NR2C2: variants seen among roughly 807,000 people sequenced by gnomAD.
NR2C2 encodes Nuclear hormone receptor TR4.
NR2C2 carries 6 observed loss-of-function variants against 62.9 expected under a neutral mutation model. The observed-to-expected ratio is 0.10, with a 90% CI of 0.05 to 0.19. The LOEUF is 0.19. Among genes scored for constraint, NR2C2 ranks in the 10% least tolerant of loss-of-function variants. NR2C2 has a pLI of 1.00. For missense variants in NR2C2, 479 were observed against 762.7 expected (o/e 0.63, Z 4.38); for synonymous variants, 272 against 273.8 (o/e 0.99, Z 0.07).
chr3:15,044,759 A>G lies in NR2C2; in HGVS notation c.*1751A>G, dbSNP rs2042392212. On this transcript the variant is annotated 3_prime_UTR_variant, in exon 14 of 14. Transcript: ENST00000425241. ...CCACAGGGGTGCAGTCTGGCCAGCTACAGACGCCCCTGTGGTGCCACATTG... is the reference window on the plus strand; with the variant it reads ...CCACAGGGGTGCAGTCTGGCCAGCTGCAGACGCCCCTGTGGTGCCACATTG... The G allele has an allele frequency of 6.6e-6, 1 of 152,260 alleles. No homozygotes were observed. The highest frequency in any genetic ancestry group is 1.5e-5 in the Non-Finnish European group (1 of 68,074). 9.4% of individuals were successfully genotyped at this position (152,260 alleles called of 1,614,324 possible).
intron 1 of NR2C2, among the ~76,000 whole-genome samples, chr3:14,956,967 A>G (rs2039544754): frequency 6.6e-6 from 1 of 152,208 alleles, no homozygotes. Flanking sequence ...TTTCTTTGAG[A>G]AAGCAAAAGT....
At chr3:15,008,963 A>G (rs56747899) in intron 2 of NR2C2, among the ~76,000 whole-genome samples, 17,024 of 152,202 alleles carry the variant, frequency 0.11, 1,215 homozygotes, top group Admixed American at 0.16. Context: ...GCTAGTGCCT[A>G]TAATCCCAGC....
intron 8 of NR2C2, 35 bp downstream of exon 8, chr3:15,028,754 G>A (rs761961721): frequency 6.9e-6 from 11 of 1,602,098 alleles, no homozygotes; most frequent in Middle Eastern, 1.7e-4. Flanking sequence ...TCCCCTCCTC[G>A]CCTGGACACC....
intron 1 of NR2C2, among the ~76,000 whole-genome samples, chr3:14,975,151 T>C (rs763469111): frequency 1.3e-5 from 2 of 152,240 alleles, no homozygotes; most frequent in Non-Finnish European, 2.9e-5. Flanking sequence ...GTTGTACATA[T>C]AAGGTTCTGT....
chr3:15,048,780 T>C lies in NR2C2; in HGVS notation c.*5772T>C, dbSNP rs2042544399. 6.6e-6 allele frequency: 1 copy of C among 152,648 alleles called. No homozygotes were observed. Among genetic ancestry groups the C allele is most frequent in the Admixed American group, 6.5e-5 (1 of 15,288 alleles). The allele number at this position is 152,648 out of a possible 1,614,324, so 9.5% of individuals were successfully genotyped here. A position where few individuals can be genotyped will look rare whatever the true frequency, so the allele number is the denominator to read the frequency against. On this transcript the variant is annotated 3_prime_UTR_variant, in exon 14 of 14. Transcript: ENST00000425241. ...AGTTTTATAACTGAAAAGCTGCACA[T>C]TTTTCACAGTACAAGCCGTAGTTTT...
chr3:15,027,370 T>C (rs1053945441), intron 7 of NR2C2, among the ~76,000 whole-genome samples: 3 of 152,262 alleles, frequency 2.0e-5, no homozygotes, highest in Non-Finnish European at 4.4e-5. Context: ...ATTTGTGTTG[T>C]ACCACTTTAC....
intron 2 of NR2C2, among the ~76,000 whole-genome samples, chr3:15,005,393 T>TA (rs1299589220): frequency 2.4e-5 from 3 of 126,134 alleles, no homozygotes; most frequent in African/African-American, 9.0e-5. Context: ...TTTTTTTTTT[T>TA]ATAAATAGGG....
At chr3:14,999,166 A>G (rs1282501740) in intron 1 of NR2C2, among the ~76,000 whole-genome samples, 1 of 152,146 alleles carries the variant, frequency 6.6e-6, no homozygotes, top group African/African-American at 2.4e-5. Flanking sequence ...AAAATACAAA[A>G]TTAGCCTGGT....
At chr3:15,023,139 T>C in intron 5 of NR2C2, 61 bp from the exon 6 acceptor site, 2 of 1,581,690 alleles carry the variant, frequency 1.3e-6, no homozygotes, top group Non-Finnish European at 8.6e-7. Flanking sequence ...GGGTTTTCCC[T>C]TGTGGTTTTT....
At chr3:14,957,192 A>G (rs906564584) in intron 1 of NR2C2, among the ~76,000 whole-genome samples, 3 of 152,340 alleles carry the variant, frequency 2.0e-5, no homozygotes, top group Admixed American at 6.5e-5. Context: ...TTTATAAGCC[A>G]TGTAACACAT....
intron 1 of NR2C2, among the ~76,000 whole-genome samples, chr3:14,974,988 C>A (rs142428221): frequency 6.6e-6 from 1 of 152,014 alleles, no homozygotes; most frequent in Admixed American, 6.5e-5. Flanking sequence ...ACATTTTATT[C>A]TTTTTTATGG....
intron 2 of NR2C2, among the ~76,000 whole-genome samples, chr3:15,008,952 G>A (rs1335469751): frequency 6.6e-5 from 10 of 152,298 alleles, no homozygotes; most frequent in Middle Eastern, 3.4e-3. Flanking sequence ...CGGGCGCGGC[G>A]GCTAGTGCCT....
intron 1 of NR2C2, among the ~76,000 whole-genome samples, chr3:14,984,544 TAAA>T (rs1420008264): frequency 1.3e-5 from 2 of 152,122 alleles, no homozygotes; most frequent in Admixed American, 6.5e-5. Flanking sequence ...AATTTTCTAT[TAAA>T]GAAATCATGT....
chr3:15,034,431 A>G lies in NR2C2; in HGVS notation c.1233-239A>G, dbSNP rs576865968. On this transcript the variant is annotated intron_variant, in intron 10 of 13. Transcript: ENST00000425241. The stretch of plus-strand genomic sequence containing the variant: ...TGGCCATACCTATTAACATTTTTTT[A>G]TTATTTAAAGAATGTTTTTTAAGAG... 2.3e-5 allele frequency: 10 copies of G among 440,576 alleles called. No homozygotes were observed. In the East Asian group the frequency reaches 3.4e-4, roughly 15 times the overall value. The allele number at this position is 440,576 out of a possible 1,614,324, so 27.3% of individuals were successfully genotyped here. A position where few individuals can be genotyped will look rare whatever the true frequency, so the allele number is the denominator to read the frequency against.
rs539264035 is a variant in NR2C2, at chr3:14,993,065, A to G, written c.-39-10811A>G. Among the ~76,000 whole-genome samples the G allele has an allele frequency of 9.8e-5, 15 of 152,308 alleles. No homozygotes were observed. In the East Asian group the frequency reaches 2.7e-3, roughly 27 times the overall value. ...GTGGGCAGGAAAAAATAGAAAGGAA[A>G]TGCTTCAACTAGTCAGAAATGCATC... On this transcript the variant is annotated intron_variant, in intron 1 of 13. Transcript: ENST00000425241.
chr3:14,960,523 G>T (rs528754947), intron 1 of NR2C2, among the ~76,000 whole-genome samples: 12 of 152,184 alleles, frequency 7.9e-5, no homozygotes, highest in African/African-American at 2.9e-4. Context: ...CTCATAATTT[G>T]ATGTATCAAG....
At chr3:15,020,287 G>A (rs978483416) in intron 4 of NR2C2, among the ~76,000 whole-genome samples, 7 of 152,212 alleles carry the variant, frequency 4.6e-5, no homozygotes, top group African/African-American at 1.7e-4. Flanking sequence ...CTAAATGCAG[G>A]AGTGAGACCC....
At position 15,028,632 on chromosome 3, in the gene NR2C2, C is replaced by A; in HGVS notation, c.845C>A (p.Thr282Asn). 4 of 1,614,052 alleles carry A rather than the reference C, an allele frequency of 2.5e-6. No individual in the cohort carries two copies. Among genetic ancestry groups the A allele is most frequent in the East Asian group, 2.2e-5 (1 of 44,872 alleles). The change falls in exon 8 of 14, where the codon ACC (threonine) becomes AAC (asparagine). Residue 282 changes from threonine (T) to asparagine (N), a missense_variant. Coordinates refer to ENST00000425241, the MANE Select transcript of NR2C2 (RefSeq NM_001291694.2). ...GALGTLANVVTSLANLSESLN... is the reference protein window; with the variant it reads ...GALGTLANVVNSLANLSESLN... ...CTGGGCACACTGGCAAATGTAGTGA[C>A]CTCCCTTGCCAACCTAAGTGAATCT...
intron 2 of NR2C2, among the ~76,000 whole-genome samples, chr3:15,007,333 TAGAC>T (rs2041209647): frequency 6.6e-6 from 1 of 151,434 alleles, no homozygotes. Flanking sequence ...TTCACCATGT[TAGAC>T]AGGATGGTCT....
Sources: allele counts gnomAD v4.1 joint callset (sites outside exome capture counted in the v4.1 genomes callset), GRCh38; gene constraint gnomAD v4.1.1; transcripts MANE v1.5; gene names NCBI Gene and HGNC (gene_info 2026-07-23, HGNC 2026-07-21).